The following ENPP1 variants were observed in gnomAD, a reference collection of about 807,000 sequenced individuals.
ENPP1 encodes ectonucleotide pyrophosphatase/phosphodiesterase 1.
ENPP1 carries 73 observed loss-of-function variants against 122.8 expected under a neutral mutation model. The observed-to-expected ratio is 0.59, with a 90% CI of 0.49 to 0.72. The LOEUF (loss-of-function observed/expected upper bound fraction) is 0.72, where lower values mean the gene tolerates loss of function less well. Ranked by LOEUF, ENPP1 falls within the 30% of genes least tolerant of loss-of-function variation. The pLI is 0.00. For missense variants in ENPP1, 978 were observed against 1,128.1 expected (o/e 0.87, Z 1.91); for synonymous variants, 367 against 391.6 (o/e 0.94, Z 0.74).
chr6:131,884,175 A>C (rs957575819), intron 22 of ENPP1, among the ~76,000 whole-genome samples: 5 of 152,206 alleles, frequency 3.3e-5, no homozygotes, highest in Non-Finnish European at 7.3e-5. Flanking sequence ...CAGGAATAAA[A>C]ATTTAGTTAC....
chr6:131,878,076 C>T (rs1782258301), intron 18 of ENPP1, among the ~76,000 whole-genome samples: 1 of 151,112 alleles, frequency 6.6e-6, no homozygotes, highest in Non-Finnish European at 1.5e-5. Flanking sequence ...ACTGTCATTC[C>T]TCTCCTTCTG....
At chr6:131,888,374 C>T (rs1323398075) in intron 24 of ENPP1, among the ~76,000 whole-genome samples, 1 of 151,908 alleles carries the variant, frequency 6.6e-6, no homozygotes, top group Non-Finnish European at 1.5e-5. Context: ...ATGAGCTCAG[C>T]AGGAAAGAGT....
intron 11 of ENPP1, among the ~76,000 whole-genome samples, chr6:131,865,984 G>T (rs551055944): frequency 7.5e-4 from 108 of 143,070 alleles, no homozygotes; most frequent in African/African-American, 3.0e-3. Flanking sequence ...CACAGAGCGG[G>T]ACTCTGTCTC....
chr6:131,811,434 A>C (rs368195947), intron 1 of ENPP1, among the ~76,000 whole-genome samples: 1 of 147,970 alleles, frequency 6.8e-6, no homozygotes, highest in African/African-American at 2.6e-5. Flanking sequence ...CTATATCTAT[A>C]TATATGTAGA....
At chr6:131,875,485 G>C (rs889732987) in intron 16 of ENPP1, among the ~76,000 whole-genome samples, 5 of 151,982 alleles carry the variant, frequency 3.3e-5, no homozygotes, top group Non-Finnish European at 5.9e-5. Context: ...AGGTGGGCAG[G>C]ATGAGGTTTA....
At chr6:131,846,419 A>G (rs958970294) in intron 1 of ENPP1, among the ~76,000 whole-genome samples, 3 of 152,078 alleles carry the variant, frequency 2.0e-5, no homozygotes, top group African/African-American at 7.2e-5. Flanking sequence ...CCTTTCTCCT[A>G]GAAGTTTGCT....
rs190324930 is a variant in ENPP1 at position 131,867,238 on chromosome 6, T to C, written c.1165-780T>C. 1.4e-4 allele frequency among the ~76,000 whole-genome samples: 22 copies of C among 152,322 alleles called. No individual in the cohort carries two copies. The East Asian group carries it at 4.0e-3, about 28-fold the overall frequency. ...TACAGTGAAAGAGCTTATCTCATAT[T>C]ATAGTGAAATAATACTGACAATGAA... is the stretch of plus-strand genomic sequence containing the variant. On this transcript the variant is annotated intron_variant, in intron 11 of 24. Coordinates refer to ENST00000647893, the MANE Select transcript of ENPP1 (RefSeq NM_006208.3).
In ENPP1 at chr6:131,847,856, G is replaced by GGGGTGTGT; in HGVS notation, c.313+9_313+10insGGTGTGTG. 2 of 1,181,200 alleles carry GGGGTGTGT rather than the reference G, an allele frequency of 1.7e-6. No individual in the cohort carries two copies. Among genetic ancestry groups the GGGGTGTGT allele is most frequent in the South Asian group, 1.3e-5 (1 of 74,936 alleles). The allele number at this position is 1,181,200 out of a possible 1,614,324, so 73.2% of individuals were successfully genotyped here. On this transcript the variant is annotated intron_variant, in intron 2 of 24. Coordinates refer to ENST00000647893, the MANE Select transcript of ENPP1 (RefSeq NM_006208.3). ...CAAGCTGTGCCAAAGAAGGTAATTAGGTGTGTGTGTGTGTGTGTGTGTGTG... is the reference window on the plus strand; with the variant it reads ...CAAGCTGTGCCAAAGAAGGTAATTAGGGGTGTGTGTGTGTGTGTGTGTGTGTGTGTGTG...
chr6:131,889,395 C>G (rs1782432830), intron 24 of ENPP1, among the ~76,000 whole-genome samples: 1 of 152,018 alleles, frequency 6.6e-6, no homozygotes, highest in Admixed American at 6.6e-5. Flanking sequence ...ACCCCCTGCC[C>G]TCCAACAGGC....
Position 131,815,468 on chromosome 6 carries a change from C to G in ENPP1, c.240+7193C>G, listed in dbSNP as rs1027257486. 5.9e-5 allele frequency among the ~76,000 whole-genome samples: 9 copies of G among 152,302 alleles called. No individual in the cohort carries two copies. The East Asian group carries it at 1.5e-3, about 26-fold the overall frequency. On this transcript the variant is annotated intron_variant, in intron 1 of 24. Transcript: ENST00000647893. ...CTCAGCTGTTTCCACTCCATGTTGT[C>G]TCTTTCTCAGGGATACGTAGCTACT... is the stretch of plus-strand genomic sequence containing the variant.
intron 1 of ENPP1, chr6:131,826,066 C>G (rs1433969765): frequency 1.3e-6 from 1 of 773,080 alleles, no homozygotes; most frequent in Non-Finnish European, 2.4e-6. Context: ...AATCAGACAG[C>G]TCTGCTTTAG....
rs1168972694 is a variant in ENPP1 at position 131,887,901 on chromosome 6, C to T, written c.2607+1177C>T. Among the ~76,000 whole-genome samples the T allele has an allele frequency of 2.3e-5, 3 of 129,052 alleles. No homozygotes were observed. In the Admixed American group the frequency reaches 2.4e-4, roughly 10 times the overall value. The allele number at this position is 129,052 out of a possible 152,430, so 84.7% of individuals were successfully genotyped here. On this transcript the variant is annotated intron_variant, in intron 24 of 24. Transcript: ENST00000647893. The stretch of plus-strand genomic sequence containing the variant: ...TTTTTTTTGGAGTCTTGCTCTGTCA[C>T]CCAGGCTGGAAGGCAGTGGCGTGAT...
chr6:131,849,102 G>GAC (rs1781849674), intron 2 of ENPP1, among the ~76,000 whole-genome samples: 2 of 150,972 alleles, frequency 1.3e-5, no homozygotes, highest in African/African-American at 4.9e-5. Flanking sequence ...GCTTATTCAA[G>GAC]GTATCTAGTA....
At position 131,893,782 on chromosome 6, in the gene ENPP1, C is replaced by G. The variant is rs1510; in HGVS notation, c.*3271C>G. 14,746 of 151,750 alleles carry G rather than the reference C, an allele frequency of 0.097. 1,060 individuals are homozygous for G. The highest frequency in any genetic ancestry group is 0.13 in the Non-Finnish European group (9,015 of 67,920). 9.4% of individuals were successfully genotyped at this position (151,750 alleles called of 1,614,324 possible). On this transcript the variant is annotated 3_prime_UTR_variant, in exon 25 of 25. Transcript: ENST00000647893. ...TTTCTTTTCTTGAAAGAGTTTTAAA[C>G]AGATAAGATGGCAAAAGTGACTGAT...
intron 20 of ENPP1, among the ~76,000 whole-genome samples, chr6:131,882,031 TAATA>T (rs10595693): frequency 0.018 from 2,630 of 144,556 alleles, 75 homozygotes; most frequent in African/African-American, 0.054. Flanking sequence ...AAAATAATAA[TAATA>T]AATAAATAAA....
intron 2 of ENPP1, among the ~76,000 whole-genome samples, chr6:131,848,555 A>G (rs945872779): frequency 6.6e-6 from 1 of 152,190 alleles, no homozygotes; most frequent in Non-Finnish European, 1.5e-5. Context: ...TTAAGCTATC[A>G]TGTACTGTTG....
rs777326880 is a variant in ENPP1, at chr6:131,860,484, C to T, written c.893C>T (p.Pro298Leu). 1.3e-6 allele frequency: 2 copies of T among 1,597,580 alleles called. No individual in the cohort carries two copies. Among genetic ancestry groups the T allele is most frequent in the East Asian group, 2.2e-5 (1 of 44,648 alleles). The change falls in exon 8 of 25, where the codon CCT becomes CTT. Residue 298 changes from proline to leucine, a missense_variant. Physicochemically the swap from Pro to Leu is moderately conservative, Grantham distance 98 (BLOSUM62 -3). This residue lies in a region of ENPP1 where 644 missense variants were observed against 781.5 expected (regional missense o/e 0.82). Transcript: ENST00000647893. ...CTTAAAAGTAAAGAGAAATTTAATC[C>T]TGAGTGGTACAAAGGAGAACCAGTG... ...FSLKSKEKFN[P>L]EWYKGEPIWV...
intron 1 of ENPP1, chr6:131,827,149 A>C (rs921316559): frequency 1.4e-6 from 1 of 729,462 alleles, no homozygotes; most frequent in African/African-American, 1.7e-5. Flanking sequence ...AAAAAGATGC[A>C]GTTCTATCTT....
At chr6:131,883,231 T>C (rs1782334990) in intron 21 of ENPP1, among the ~76,000 whole-genome samples, 1 of 152,194 alleles carries the variant, frequency 6.6e-6, no homozygotes, top group Admixed American at 6.5e-5. Context: ...ATTATAAAAA[T>C]AGACCAGGTC....
Sources: gnomAD v4.1 joint callset for allele counts (sites outside exome capture counted in the v4.1 genomes callset) on GRCh38, gnomAD v4.1.1 for gene constraint, gnomAD v4.1.1 regional missense constraint, MANE v1.5 for transcripts, NCBI Gene and HGNC (gene_info 2026-07-23, HGNC 2026-07-21) for gene names.